Variants in ASTN1 observed in about 807,000 individuals in gnomAD.
The protein encoded by ASTN1 is astrotactin-1.
Under a neutral mutation model 140.7 loss-of-function variants are expected in ASTN1, and 41 were observed. The observed-to-expected ratio is 0.29, with a 90% CI of 0.23 to 0.38. The LOEUF (loss-of-function observed/expected upper bound fraction) is 0.38, where lower values mean the gene tolerates loss of function less well. ASTN1 is among the 10% of genes least tolerant of loss of function. The pLI is 1.00. For synonymous variants in ASTN1, 640 were observed against 652.2 expected, an observed-to-expected ratio of 0.98 and a Z score of 0.29; for missense variants, 1,479 against 1,678.8, an observed-to-expected ratio of 0.88 and a Z score of 2.08.
At chr1:177,146,076 T>C (rs565781211) in intron 1 of ASTN1, among the ~76,000 whole-genome samples, 4 of 152,176 alleles carry the variant, frequency 2.6e-5, no homozygotes, top group African/African-American at 9.7e-5. Context: ...CCACTGCACG[T>C]TAACATAAGC....
rs117572180 is a variant in ASTN1 at position 177,004,618 on chromosome 1, T to C, written c.1523+10173A>G. On this transcript the variant is annotated intron_variant, in intron 8 of 22. Transcript: ENST00000361833. ...TAACCAAAATAGCATGGTACTGGTA[T>C]AAAAGTAGATATACAGGCCAAAGGA... Among the ~76,000 whole-genome samples, 14 of 152,174 alleles carry C rather than the reference T, an allele frequency of 9.2e-5. No individual in the cohort carries two copies. In the East Asian group the frequency reaches 2.7e-3, roughly 29 times the overall value.
At chr1:177,100,755 G>A (rs535731099) in intron 1 of ASTN1, among the ~76,000 whole-genome samples, 1 of 152,258 alleles carries the variant, frequency 6.6e-6, no homozygotes, top group African/African-American at 2.4e-5. Flanking sequence ...CTTGGTTTCA[G>A]GATCCTTTCA....
At chr1:176,888,301 A>G in intron 17 of ASTN1, 97 bp from the exon 18 acceptor site, 1 of 1,414,248 alleles carries the variant, frequency 7.1e-7, no homozygotes, top group Non-Finnish European at 9.7e-7. Flanking sequence ...ATGGCCCTAA[A>G]TTACTTCCAG....
chr1:176,874,475 G>A (rs972886099), intron 21 of ASTN1, among the ~76,000 whole-genome samples: 3 of 152,108 alleles, frequency 2.0e-5, no homozygotes, highest in Admixed American at 1.3e-4. Flanking sequence ...CCATTTTTTG[G>A]TAACATGGAC....
chr1:177,123,836 T>C (rs538482499), intron 1 of ASTN1, among the ~76,000 whole-genome samples: 2 of 152,266 alleles, frequency 1.3e-5, no homozygotes, highest in South Asian at 4.1e-4. Flanking sequence ...TCAGGATCGA[T>C]TTGTGAGCTA....
chr1:176,945,816 C>A (rs1218739939), intron 13 of ASTN1, 110 bp downstream of exon 13: 4 of 1,095,290 alleles, frequency 3.7e-6, no homozygotes, highest in Non-Finnish European at 5.2e-6. Context: ...TCCCTTTAGA[C>A]ATATCATATT....
rs1668865503 is a variant in ASTN1, at chr1:176,882,853, A to G, written c.3362+6T>C. 3.1e-6 allele frequency: 5 copies of G among 1,614,086 alleles called. No individual in the cohort carries two copies. Among genetic ancestry groups the G allele is most frequent in the Non-Finnish European group, 4.2e-6 (5 of 1,179,996 alleles). On this transcript the variant is annotated splice_donor_region_variant and intron_variant, in intron 20 of 22. Transcript: ENST00000361833. ...AGAAGTCACTAGGTAGGTGTGTGTT[A>G]CTCACATGTAAATGGTGTCAGGTTC...
At position 176,940,526 on chromosome 1, in the gene ASTN1, C is replaced by T. The variant is rs534432768; in HGVS notation, c.2377+3365G>A. Among the ~76,000 whole-genome samples, 49 of 152,346 alleles carry T rather than the reference C, an allele frequency of 3.2e-4. 1 individual carries two copies. Among genetic ancestry groups the T allele is most frequent in the South Asian group, 1.7e-3 (8 of 4,824 alleles). On this transcript the variant is annotated intron_variant, in intron 14 of 22. Transcript: ENST00000361833. The stretch of plus-strand genomic sequence containing the variant: ...ACCTACAACTTTCTCAACCGACAGC[C>T]TCCAATATGGGCATACTTGAAGCCT...
At chr1:177,052,754 T>C (rs975597208) in intron 2 of ASTN1, among the ~76,000 whole-genome samples, 12 of 152,324 alleles carry the variant, frequency 7.9e-5, no homozygotes, top group Admixed American at 7.2e-4. Flanking sequence ...TCTATGTTCC[T>C]TCCTAATCTT....
intron 14 of ASTN1, 118 bp downstream of exon 14, chr1:176,943,773 G>A: frequency 1.6e-6 from 2 of 1,289,950 alleles, no homozygotes; most frequent in Non-Finnish European, 2.1e-6. Context: ...CTTTTATTGT[G>A]TATGAAGGAA....
At chr1:176,910,809 T>C (rs1670203760) in intron 16 of ASTN1, among the ~76,000 whole-genome samples, 1 of 152,190 alleles carries the variant, frequency 6.6e-6, no homozygotes, top group African/African-American at 2.4e-5. Flanking sequence ...CATGAACACC[T>C]GAGCTCCACC....
Position 177,069,972 on chromosome 1 carries a change from C to T in ASTN1, c.284-8707G>A, listed in dbSNP as rs1415135526. Reference sequence around the variant, plus strand: ...TCTATTTCTATTCTCCACTGCCACCCGACTGACTTTTGTAAATTGAGATAA... The same window carrying T: ...TCTATTTCTATTCTCCACTGCCACCTGACTGACTTTTGTAAATTGAGATAA... On this transcript the variant is annotated intron_variant, in intron 1 of 22. Transcript: ENST00000361833. 2.6e-5 allele frequency among the ~76,000 whole-genome samples: 4 copies of T among 152,162 alleles called. No homozygotes were observed. In the South Asian group the frequency reaches 6.2e-4, roughly 24 times the overall value.
downstream of ASTN1, among the ~76,000 whole-genome samples, chr1:176,860,138 C>A (rs1178331721): frequency 6.6e-6 from 1 of 152,178 alleles, no homozygotes. Context: ...GAGAAGCAGG[C>A]AGAAGCCCTA....
Position 176,970,182 on chromosome 1 carries a change from G to A in ASTN1, c.1524-4945C>T, listed in dbSNP as rs183173891. ...TCCCCTTTAGGACATATCCACTTTT[G>A]CAGGGATTTTTCCCTTAGTCTAGGT... On this transcript the variant is annotated intron_variant, in intron 8 of 22. Coordinates refer to ENST00000361833, the MANE Select transcript of ASTN1 (RefSeq NM_004319.3). 3.2e-3 allele frequency among the ~76,000 whole-genome samples: 492 copies of A among 152,238 alleles called. 18 individuals carry two copies. Among genetic ancestry groups the A allele is most frequent in the Admixed American group, 0.028 (429 of 15,278 alleles).
Position 177,142,273 on chromosome 1 carries a change from G to GT in ASTN1, c.283+22120dup, listed in dbSNP as rs556539894. 3.2e-3 allele frequency among the ~76,000 whole-genome samples: 465 copies of GT among 144,120 alleles called. 1 individual carries two copies. Among genetic ancestry groups the GT allele is most frequent in the East Asian group, 0.015 (76 of 4,934 alleles). The allele number at this position is 144,120 out of a possible 152,430, so 94.5% of individuals were successfully genotyped here. On this transcript the variant is annotated intron_variant, in intron 1 of 22. Coordinates refer to ENST00000361833, the MANE Select transcript of ASTN1 (RefSeq NM_004319.3). ...GTGGCTCAGTGGTCAAATTGCTGTT[G>GT]TTTTTTTTTTTAATTATGCCTGTAG...
At chr1:176,945,859 G>C in intron 13 of ASTN1, 67 bp downstream of exon 13, 1 of 1,463,056 alleles carries the variant, frequency 6.8e-7, no homozygotes. Context: ...CTTTATGCTA[G>C]TGCAAACTCT....
intron 8 of ASTN1, among the ~76,000 whole-genome samples, chr1:176,984,714 T>C (rs1481087003): frequency 1.3e-5 from 2 of 152,208 alleles, no homozygotes; most frequent in African/African-American, 4.8e-5. Flanking sequence ...CTCTAACTTA[T>C]ACTTCTTATT....
At chr1:177,039,256 A>G (rs182685934) in intron 2 of ASTN1, among the ~76,000 whole-genome samples, 67 of 152,362 alleles carry the variant, frequency 4.4e-4, no homozygotes, top group African/African-American at 1.3e-3. Context: ...TTCAAATTAT[A>G]TTCCTTGAGG....
At chr1:177,085,910 CAG>C in intron 1 of ASTN1, among the ~76,000 whole-genome samples, 1 of 152,132 alleles carries the variant, frequency 6.6e-6, no homozygotes, top group Non-Finnish European at 1.5e-5. Context: ...GATGACATAA[CAG>C]AGTTTAGACA....
Sources: gnomAD v4.1 joint callset for allele counts (sites outside exome capture counted in the v4.1 genomes callset) on GRCh38, gnomAD v4.1.1 for gene constraint, MANE v1.5 for transcripts, NCBI Gene and HGNC (gene_info 2026-07-23, HGNC 2026-07-21) for gene names.